KAT14: variants seen among roughly 807,000 people sequenced by gnomAD.
KAT14 encodes cysteine-rich protein 2-binding protein.
Under a neutral mutation model 78.4 loss-of-function variants are expected in KAT14, and 66 were observed. The ratio of observed to expected loss-of-function variants is 0.84; its 90% CI spans 0.69 to 1.03. The LOEUF (loss-of-function observed/expected upper bound fraction) is 1.03, where lower values mean the gene tolerates loss of function less well. Ranked by LOEUF, KAT14 falls within the 50% of genes least tolerant of loss-of-function variation. KAT14 has a pLI of 0.00. For missense variants in KAT14, 870 were observed against 972.5 expected (o/e 0.89, Z 1.40); for synonymous variants, 344 against 359.4 (o/e 0.96, Z 0.48).
intron 3 of KAT14, 145 bp from the exon 4 acceptor site, chr20:18,150,676 A>G: frequency 7.5e-7 from 1 of 1,326,098 alleles, no homozygotes; most frequent in Non-Finnish European, 1.0e-6. Context: ...TACCCTGGGA[A>G]TATTCCAAGA....
chr20:18,145,645 G>A (rs924515347), intron 3 of KAT14, among the ~76,000 whole-genome samples: 1 of 152,098 alleles, frequency 6.6e-6, no homozygotes, highest in Non-Finnish European at 1.5e-5. Context: ...GCTGGCTATG[G>A]TGGTGGGCCC....
intron 3 of KAT14, 66 bp from the exon 4 acceptor site, chr20:18,150,755 T>C: frequency 2.5e-6 from 4 of 1,601,894 alleles, no homozygotes; most frequent in Admixed American, 1.7e-5. Context: ...AAGAAGCTTT[T>C]CCCCCCTCAA....
At chr20:18,186,358 T>C (rs377303580) in intron 10 of KAT14, among the ~76,000 whole-genome samples, 1 of 152,116 alleles carries the variant, frequency 6.6e-6, no homozygotes, top group African/African-American at 2.4e-5. Flanking sequence ...CCCACAAAAT[T>C]TGCTTTAAAA....
rs556579061 is a variant in KAT14 at position 18,178,228 on chromosome 20, C to A, written c.1669-3482C>A. Among the ~76,000 whole-genome samples, 7 of 152,092 alleles carry A rather than the reference C, an allele frequency of 4.6e-5. No individual in the cohort carries two copies. The South Asian group carries it at 6.2e-4, about 14-fold the overall frequency. On this transcript the variant is annotated intron_variant, in intron 7 of 10. Coordinates refer to ENST00000688188, the MANE Select transcript of KAT14 (RefSeq NM_001392073.1). ...CTGACAATGCAGTAGACAAAAAAAA[C>A]CTATTTTTTGAGGAGAAAGTCAAGC... is the stretch of plus-strand genomic sequence containing the variant.
At chr20:18,177,855 G>A (rs2039101098) in intron 7 of KAT14, among the ~76,000 whole-genome samples, 1 of 152,120 alleles carries the variant, frequency 6.6e-6, no homozygotes, top group Non-Finnish European at 1.5e-5. Context: ...AGTCATTGAA[G>A]AACAACATAT....
intron 7 of KAT14, among the ~76,000 whole-genome samples, chr20:18,169,041 C>G (rs2038760262): frequency 6.6e-6 from 1 of 152,040 alleles, no homozygotes; most frequent in Admixed American, 6.6e-5. Flanking sequence ...TTTTTACTGA[C>G]AGATCCTCAA....
intron 3 of KAT14, among the ~76,000 whole-genome samples, chr20:18,148,488 C>G (rs2037908581): frequency 6.6e-6 from 1 of 152,172 alleles, no homozygotes; most frequent in South Asian, 2.1e-4. Flanking sequence ...TCAGCATATA[C>G]TGAGTACCTG....
rs2039491245 is a variant in KAT14, at chr20:18,187,647, C to T, written c.*188C>T. Reference sequence around the variant, plus strand: ...AGTGAGCAGCCCTTTAGCAAAATCGCCCTCCAGTCCTTCCTGGAGATGCCT... The same window carrying T: ...AGTGAGCAGCCCTTTAGCAAAATCGTCCTCCAGTCCTTCCTGGAGATGCCT... On this transcript the variant is annotated 3_prime_UTR_variant, in exon 11 of 11. Coordinates refer to ENST00000688188, the MANE Select transcript of KAT14 (RefSeq NM_001392073.1). 2.5e-6 allele frequency: 2 copies of T among 812,952 alleles called. No homozygotes were observed. The highest frequency in any genetic ancestry group is 6.1e-5 in the East Asian group (2 of 32,606). 50.4% of individuals were successfully genotyped at this position (812,952 alleles called of 1,614,324 possible). A position where few individuals can be genotyped will look rare whatever the true frequency, so the allele number is the denominator to read the frequency against.
rs1288713999 is a variant in KAT14, at chr20:18,184,313, G to C, written c.1982-289G>C. On this transcript the variant is annotated intron_variant, in intron 9 of 10. Coordinates refer to ENST00000688188, the MANE Select transcript of KAT14 (RefSeq NM_001392073.1). ...GAAATGTGCCAAGCCACACATGGTA[G>C]AGGAGGCTGAGTTCAAAGCCAGCTG... 2.6e-5 allele frequency among the ~76,000 whole-genome samples: 4 copies of C among 152,258 alleles called. No individual in the cohort carries two copies. In the East Asian group the frequency reaches 7.7e-4, roughly 29 times the overall value.
In KAT14 at chr20:18,159,153, T is replaced by C. The variant is rs1391505391; in HGVS notation, c.570T>C (p.Arg190=). The C allele has an allele frequency of 6.2e-7, 1 of 1,613,986 alleles. No individual in the cohort carries two copies. Among genetic ancestry groups the C allele is most frequent in the Non-Finnish European group, 8.5e-7 (1 of 1,179,982 alleles). Residue 190 remains arginine, a synonymous_variant, in exon 5 of 11, where the codon CGT becomes CGC. Coordinates refer to ENST00000688188, the MANE Select transcript of KAT14 (RefSeq NM_001392073.1). The part of the protein sequence containing the change: ...CLSVGSPMYF[R]SGAQEFGEPG... Reference sequence around the variant, plus strand: ...GCGTGGGAAGTCCCATGTACTTCCGTTCAGGTGCTCAGGAATTTGGAGAGC... The same window carrying C: ...GCGTGGGAAGTCCCATGTACTTCCGCTCAGGTGCTCAGGAATTTGGAGAGC...
chr20:18,139,670 GTGTGTT>G (rs1242662131), intron 1 of KAT14, among the ~76,000 whole-genome samples: 1 of 88,074 alleles, frequency 1.1e-5, no homozygotes, highest in African/African-American at 3.9e-5. Context: ...GTGTGTGTGT[GTGTGTT>G]TATTTTTTTT....
At chr20:18,161,456 T>C (rs2038417941) in intron 5 of KAT14, among the ~76,000 whole-genome samples, 1 of 152,198 alleles carries the variant, frequency 6.6e-6, no homozygotes, top group African/African-American at 2.4e-5. Context: ...CTAAGTCTTT[T>C]TTAGTTTAGG....
Position 18,181,918 on chromosome 20 carries a change from TCTC to T in KAT14, c.1805+75_1805+77del, listed in dbSNP as rs2039273834. ...AATGATTGTGGTTTCTGTGCCCTGTTCTCCTGTTGGAGAGAATAAAGATCACAA... is the reference window on the plus strand; with the variant it reads ...AATGATTGTGGTTTCTGTGCCCTGTTCTGTTGGAGAGAATAAAGATCACAA... On this transcript the variant is annotated intron_variant, in intron 8 of 10. Transcript: ENST00000688188. The T allele has an allele frequency of 5.7e-6, 9 of 1,586,852 alleles. 1 individual carries two copies. In the South Asian group the frequency reaches 9.2e-5, roughly 16 times the overall value.
intron 4 of KAT14, among the ~76,000 whole-genome samples, chr20:18,155,320 T>C (rs1156965740): frequency 6.6e-6 from 1 of 152,226 alleles, no homozygotes; most frequent in Non-Finnish European, 1.5e-5. Flanking sequence ...CTTTAATATG[T>C]TATTAAAGTT....
At chr20:18,139,861 T>A (rs1179919219) in intron 1 of KAT14, among the ~76,000 whole-genome samples, 1 of 152,140 alleles carries the variant, frequency 6.6e-6, no homozygotes, top group African/African-American at 2.4e-5. Context: ...TTAAGCACTT[T>A]ATGTATATCA....
chr20:18,156,720 T>G (rs987513992), intron 4 of KAT14, among the ~76,000 whole-genome samples: 1 of 152,192 alleles, frequency 6.6e-6, no homozygotes, highest in East Asian at 1.9e-4. Flanking sequence ...CTTCCTTGGC[T>G]TGTAGATGAC....
chr20:18,148,112 G>A (rs184024939), intron 3 of KAT14, among the ~76,000 whole-genome samples: 89 of 152,280 alleles, frequency 5.8e-4, no homozygotes, highest in Non-Finnish European at 1.0e-3. Context: ...CTCCATTGAT[G>A]TAGCCACATT....
chr20:18,183,958 C>T (rs148269830), intron 9 of KAT14, among the ~76,000 whole-genome samples: 6 of 152,310 alleles, frequency 3.9e-5, no homozygotes, highest in Non-Finnish European at 8.8e-5. Flanking sequence ...AGAGCTGTGT[C>T]GTCTTTATTG....
At chr20:18,171,672 C>T (rs1056565208) in intron 7 of KAT14, among the ~76,000 whole-genome samples, 10 of 152,072 alleles carry the variant, frequency 6.6e-5, no homozygotes, top group Non-Finnish European at 8.8e-5. Flanking sequence ...ATTAGCCAGG[C>T]GTGGTGGTGT....
Sources: gnomAD v4.1 joint callset for allele counts (sites outside exome capture counted in the v4.1 genomes callset) on GRCh38, gnomAD v4.1.1 for gene constraint, MANE v1.5 for transcripts, NCBI Gene and HGNC (gene_info 2026-07-23, HGNC 2026-07-21) for gene names.